TRIM2: variants seen among roughly 807,000 people sequenced by gnomAD.
TRIM2 encodes tripartite motif-containing protein 2.
Under a neutral mutation model 75.2 loss-of-function variants are expected in TRIM2, and 20 were observed. That is an observed-to-expected ratio of 0.27 (90% CI 0.19 to 0.39). The LOEUF is 0.39. Among genes scored for constraint, TRIM2 ranks in the 10% least tolerant of loss-of-function variants. TRIM2 has a pLI of 1.00. For missense variants in TRIM2, 660 were observed against 990.8 expected (o/e 0.67, Z 4.48); for synonymous variants, 373 against 388.3 (o/e 0.96, Z 0.46).
At chr4:153,305,251 T>A (rs577908900) in intron 6 of TRIM2, among the ~76,000 whole-genome samples, 2 of 152,190 alleles carry the variant, frequency 1.3e-5, no homozygotes, top group Non-Finnish European at 2.9e-5. Context: ...TCTCAGTGCC[T>A]CGGTTTCCTT....
intron 1 of TRIM2, among the ~76,000 whole-genome samples, chr4:153,262,331 T>C (rs1309721235): frequency 6.6e-6 from 1 of 152,078 alleles, no homozygotes; most frequent in Non-Finnish European, 1.5e-5. Context: ...TGGGGAGTGT[T>C]GATTGCTTGG....
chr4:153,272,228 A>G (rs546116019), intron 2 of TRIM2, among the ~76,000 whole-genome samples: 38 of 152,068 alleles, frequency 2.5e-4, no homozygotes, highest in African/African-American at 8.7e-4. Flanking sequence ...AGCTCACTGC[A>G]AGCTCTGCCT....
intron 11 of TRIM2, among the ~76,000 whole-genome samples, chr4:153,330,799 T>C (rs1023952255): frequency 2.0e-5 from 3 of 152,150 alleles, no homozygotes; most frequent in African/African-American, 7.2e-5. Flanking sequence ...AGAGCAAGGA[T>C]GTCTGCAAGG....
chr4:153,185,299 AC>A (rs1174244121), intron 1 of TRIM2, among the ~76,000 whole-genome samples: 3 of 152,246 alleles, frequency 2.0e-5, no homozygotes, highest in African/African-American at 7.2e-5. Context: ...TTAGCTTCTT[AC>A]ATGACAGGCT....
rs1050955418 is a variant in TRIM2 at position 153,335,476 on chromosome 4, T to C, written c.*510T>C. The C allele has an allele frequency of 3.1e-5, 31 of 985,340 alleles. No homozygotes were observed. Among genetic ancestry groups the C allele is most frequent in the Non-Finnish European group, 3.5e-5 (29 of 829,932 alleles). 61.0% of individuals were successfully genotyped at this position (985,340 alleles called of 1,614,324 possible). A position where few individuals can be genotyped will look rare whatever the true frequency, so the allele number is the denominator to read the frequency against. Reference sequence around the variant, plus strand: ...TTTTTTGGTTATCAACAACTAAATATAAATTACTTTGGAAAAAGTAAGGCT... The same window carrying C: ...TTTTTTGGTTATCAACAACTAAATACAAATTACTTTGGAAAAAGTAAGGCT... On this transcript the variant is annotated 3_prime_UTR_variant, in exon 12 of 12. Coordinates refer to ENST00000338700, the MANE Select transcript of TRIM2 (RefSeq NM_015271.5).
At chr4:153,252,888 G>A (rs564064016) in intron 1 of TRIM2, among the ~76,000 whole-genome samples, 1 of 152,204 alleles carries the variant, frequency 6.6e-6, no homozygotes, top group South Asian at 2.1e-4. Context: ...AACTAATTCT[G>A]AGATGAACTT....
At position 153,321,512 on chromosome 4, in the gene TRIM2, A is replaced by G. The variant is rs962900255; in HGVS notation, c.1783-1136A>G. On this transcript the variant is annotated intron_variant, in intron 8 of 11. Coordinates refer to ENST00000338700, the MANE Select transcript of TRIM2 (RefSeq NM_015271.5). ...ATACGGTATATGATTGATAGAAATC[A>G]AATGCTTTTCCCCTATTTTAAAATA... Among the ~76,000 whole-genome samples, 4 of 152,358 alleles carry G rather than the reference A, an allele frequency of 2.6e-5. No individual in the cohort carries two copies. In the South Asian group the frequency reaches 8.3e-4, roughly 32 times the overall value.
intron 11 of TRIM2, among the ~76,000 whole-genome samples, chr4:153,331,847 G>C (rs1771546478): frequency 6.6e-6 from 1 of 152,144 alleles, no homozygotes; most frequent in African/African-American, 2.4e-5. Context: ...TCCCACAGTT[G>C]TACAGCCTAT....
chr4:153,320,852 G>T (rs7436302), intron 8 of TRIM2, among the ~76,000 whole-genome samples: 2 of 152,122 alleles, frequency 1.3e-5, no homozygotes, highest in African/African-American at 2.4e-5. Context: ...AACTGGTCTC[G>T]AACTCCTGAC....
intron 1 of TRIM2, among the ~76,000 whole-genome samples, chr4:153,226,129 C>T (rs547604214): frequency 1.1e-4 from 17 of 152,312 alleles, no homozygotes; most frequent in African/African-American, 4.1e-4. Context: ...CTTTGGCCTC[C>T]CAAAGTGCTG....
chr4:153,281,649 C>T (rs1049260788), intron 3 of TRIM2, among the ~76,000 whole-genome samples: 3 of 152,214 alleles, frequency 2.0e-5, no homozygotes, highest in African/African-American at 4.8e-5. Flanking sequence ...GCTGCCATCC[C>T]CACTGTCTGA....
chr4:153,176,318 T>G (rs1362845955), intron 1 of TRIM2, among the ~76,000 whole-genome samples: 1 of 151,832 alleles, frequency 6.6e-6, no homozygotes, highest in Non-Finnish European at 1.5e-5. Context: ...CCAAGTGCAG[T>G]GATGTGCACT....
At chr4:153,190,038 G>A (rs1277535340) in intron 1 of TRIM2, among the ~76,000 whole-genome samples, 1 of 152,134 alleles carries the variant, frequency 6.6e-6, no homozygotes, top group African/African-American at 2.4e-5. Flanking sequence ...TAACAGATGG[G>A]CATATAATAG....
intron 1 of TRIM2, among the ~76,000 whole-genome samples, chr4:153,173,889 C>A (rs912729791): frequency 2.0e-5 from 3 of 152,050 alleles, no homozygotes; most frequent in Admixed American, 6.5e-5. Context: ...ATCGCTTGAA[C>A]CTGGGAGGCA....
Position 153,192,108 on chromosome 4 carries a change from C to T in TRIM2, c.-49+38838C>T, listed in dbSNP as rs1446012251. Among the ~76,000 whole-genome samples the T allele has an allele frequency of 2.0e-5, 3 of 152,164 alleles. 1 individual carries two copies. The highest frequency in any genetic ancestry group is 4.4e-5 in the Non-Finnish European group (3 of 68,022). ...TCAGTCTTTTAGTGAAACCCCAGAG[C>T]AACAAAGACAATTCCTCACCCCACA... On this transcript the variant is annotated intron_variant, in intron 1 of 11. Transcript: ENST00000437508.
At chr4:153,186,998 T>C (rs1478252713) in intron 1 of TRIM2, among the ~76,000 whole-genome samples, 1 of 152,174 alleles carries the variant, frequency 6.6e-6, no homozygotes, top group Admixed American at 6.5e-5. Flanking sequence ...AAAAATCCAA[T>C]GTTAAAAATT....
At chr4:153,258,143 G>A (rs1219337053) in intron 1 of TRIM2, among the ~76,000 whole-genome samples, 4 of 152,108 alleles carry the variant, frequency 2.6e-5, no homozygotes, top group Non-Finnish European at 5.9e-5. Context: ...GGGTAGAGGA[G>A]AACGTGCGAC....
At chr4:153,213,850 C>A (rs1034553258) in intron 1 of TRIM2, among the ~76,000 whole-genome samples, 1 of 152,118 alleles carries the variant, frequency 6.6e-6, no homozygotes. Context: ...TACTATTTAA[C>A]GAATTTAATC....
At chr4:153,302,847 A>G (rs976080548) in intron 6 of TRIM2, among the ~76,000 whole-genome samples, 4 of 152,228 alleles carry the variant, frequency 2.6e-5, no homozygotes, top group Non-Finnish European at 2.9e-5. Flanking sequence ...TAAATTCCTT[A>G]AGGTCAAGGA....
Sources: gnomAD v4.1 joint callset for allele counts (sites outside exome capture counted in the v4.1 genomes callset) on GRCh38, gnomAD v4.1.1 for gene constraint, MANE v1.5 for transcripts, NCBI Gene and HGNC (gene_info 2026-07-23, HGNC 2026-07-21) for gene names.